MED27: variants seen among roughly 807,000 people sequenced by gnomAD.
MED27 encodes mediator complex subunit 27, also known as mediator of RNA polymerase II transcription subunit 27.
A neutral mutation model predicts 38.2 loss-of-function variants in MED27; 30 were observed. The observed-to-expected ratio is 0.79, with a 90% CI of 0.59 to 1.07. The LOEUF is 1.07. MED27 is among the 50% of genes least tolerant of loss of function. MED27 has a pLI of 0.00. For missense variants in MED27, 289 were observed against 397.5 expected, an observed-to-expected ratio of 0.73 and a Z score of 2.32; for synonymous variants, 122 against 153.5, an observed-to-expected ratio of 0.79 and a Z score of 1.52.
At chr9:132,013,842 A>G (rs1426111033) in intron 3 of MED27, among the ~76,000 whole-genome samples, 1 of 152,236 alleles carries the variant, frequency 6.6e-6, no homozygotes. Context: ...GCTGTTTCAC[A>G]AAGATCTATG....
chr9:132,016,386 T>C (rs1261459207), intron 2 of MED27, among the ~76,000 whole-genome samples: 1 of 152,112 alleles, frequency 6.6e-6, no homozygotes, highest in Non-Finnish European at 1.5e-5. Flanking sequence ...CAAACATACA[T>C]CACATTCATA....
At chr9:131,990,600 C>CTG (rs1564314757) in intron 3 of MED27, among the ~76,000 whole-genome samples, 1 of 152,214 alleles carries the variant, frequency 6.6e-6, no homozygotes, top group Non-Finnish European at 1.5e-5. Context: ...CCTTTTGGAC[C>CTG]TGTGGGTTGC....
intron 2 of MED27, among the ~76,000 whole-genome samples, chr9:132,046,356 C>T: frequency 6.6e-6 from 1 of 151,664 alleles, no homozygotes; most frequent in Non-Finnish European, 1.5e-5. Context: ...TGAAACAGGC[C>T]AACTAATATT....
At chr9:131,871,424 A>G (rs1838831593) in intron 6 of MED27, among the ~76,000 whole-genome samples, 1 of 152,118 alleles carries the variant, frequency 6.6e-6, no homozygotes, top group South Asian at 2.1e-4. Flanking sequence ...TTAATACACT[A>G]TTGTCCTCAG....
At chr9:132,042,641 A>G (rs1211956760) in intron 2 of MED27, among the ~76,000 whole-genome samples, 3 of 152,210 alleles carry the variant, frequency 2.0e-5, no homozygotes, top group African/African-American at 7.2e-5. Flanking sequence ...GGAATCTTAG[A>G]TCTATGAGTG....
At chr9:131,868,748 G>A (rs1266017964) in intron 6 of MED27, 2 of 985,374 alleles carry the variant, frequency 2.0e-6, no homozygotes, top group Non-Finnish European at 2.4e-6. Context: ...GCAGATAAAG[G>A]TGCAGGCCCA....
At chr9:132,027,477 C>G (rs532345664) in intron 2 of MED27, among the ~76,000 whole-genome samples, 1 of 152,370 alleles carries the variant, frequency 6.6e-6, no homozygotes, top group South Asian at 2.1e-4. Context: ...GCAGCCTGAG[C>G]AGGCACACTC....
chr9:132,062,632 T>A (rs201376435), intron 2 of MED27, among the ~76,000 whole-genome samples: 4 of 127,738 alleles, frequency 3.1e-5, no homozygotes, highest in East Asian at 4.5e-4. Context: ...TTTTTTTTTT[T>A]AAACAGACAG....
At position 131,860,627 on chromosome 9, in the gene MED27, G is replaced by A. The variant is rs753391129; in HGVS notation, c.847C>T (p.Arg283Cys). 20 of 1,612,220 alleles carry A rather than the reference G, an allele frequency of 1.2e-5. No individual in the cohort carries two copies. Among genetic ancestry groups the A allele is most frequent in the African/African-American group, 5.3e-5 (4 of 74,832 alleles). Residue 283 changes from arginine (R) to cysteine (C), a missense_variant, in exon 8 of 8, where the codon CGC (arginine) becomes TGC (cysteine). By Grantham distance (180) the Arg-to-Cys change is radical. Transcript: ENST00000292035. The surrounding 1 kb of genome is among the most constrained non-coding windows in gnomAD (Gnocchi z 5.8). ...CCGTCCTGCAGAAACTTCCCGCAGC[G>A]CTGGCACGGGGCCTGGAACAGCTTT... ...YIKLFQAPCQRCGKFLQDGLP... is the reference protein window; with the variant it reads ...YIKLFQAPCQCCGKFLQDGLP...
chr9:132,057,131 T>C (rs1291328353), intron 2 of MED27, among the ~76,000 whole-genome samples: 1 of 152,226 alleles, frequency 6.6e-6, no homozygotes, highest in Non-Finnish European at 1.5e-5. Flanking sequence ...TGCCTCCTTT[T>C]TGTTCACATG....
At chr9:131,893,749 C>T (rs377684463) in intron 5 of MED27, 136 bp downstream of exon 5, 29 of 649,552 alleles carry the variant, frequency 4.5e-5, no homozygotes, top group South Asian at 3.5e-4. Context: ...AGTGTGCATC[C>T]TCACACTGAC....
At chr9:131,970,150 A>C (rs971259699) in intron 3 of MED27, among the ~76,000 whole-genome samples, 5 of 152,252 alleles carry the variant, frequency 3.3e-5, no homozygotes, top group African/African-American at 1.2e-4. Flanking sequence ...GTGCATGCAG[A>C]TGCCCACAAA....
intron 3 of MED27, among the ~76,000 whole-genome samples, chr9:131,980,455 G>A (rs1831708042): frequency 6.6e-6 from 1 of 152,262 alleles, no homozygotes; most frequent in Admixed American, 6.5e-5. Context: ...CAGACTGGCA[G>A]GCACCCCTCA....
At chr9:132,078,511 C>G (rs1339229212) in intron 1 of MED27, among the ~76,000 whole-genome samples, 2 of 152,036 alleles carry the variant, frequency 1.3e-5, no homozygotes, top group Admixed American at 6.6e-5. Context: ...GTGCTCGGCG[C>G]GGTGCCAGAG....
intron 2 of MED27, among the ~76,000 whole-genome samples, chr9:132,020,268 C>G (rs1832690075): frequency 6.6e-6 from 1 of 152,146 alleles, no homozygotes; most frequent in Non-Finnish European, 1.5e-5. Context: ...GACACCAGTG[C>G]CACTTCCCCT....
rs1234534833 is a variant in MED27, at chr9:132,051,350, G to A, written c.348+26092C>T. Among the ~76,000 whole-genome samples, 1 of 152,196 alleles carries A rather than the reference G, an allele frequency of 6.6e-6. No individual in the cohort carries two copies. The highest frequency in any genetic ancestry group is 1.5e-5 in the Non-Finnish European group (1 of 68,030). Reference sequence around the variant, plus strand: ...GAAAGGATTAACCCAAATGCCAAATGTACTTTGTTCTGAAGTCTAACTACG... The same window carrying A: ...GAAAGGATTAACCCAAATGCCAAATATACTTTGTTCTGAAGTCTAACTACG... On this transcript the variant is annotated intron_variant, in intron 2 of 7. Coordinates refer to ENST00000292035, the MANE Select transcript of MED27 (RefSeq NM_004269.4). This position sits in a 1 kb window ranked among gnomAD's most constrained non-coding sequence, Gnocchi z 4.2.
At chr9:131,948,510 A>C (rs1830928059) in intron 3 of MED27, among the ~76,000 whole-genome samples, 1 of 152,018 alleles carries the variant, frequency 6.6e-6, no homozygotes, top group Non-Finnish European at 1.5e-5. Flanking sequence ...AACAAAAAAA[A>C]AAAACAAAAA....
At chr9:131,918,762 T>C (rs1161573539) in intron 4 of MED27, among the ~76,000 whole-genome samples, 1 of 152,158 alleles carries the variant, frequency 6.6e-6, no homozygotes, top group Non-Finnish European at 1.5e-5. Flanking sequence ...CCACCAGAAA[T>C]TCACCCGGAA....
At chr9:131,954,534 T>G (rs1831057304) in intron 3 of MED27, among the ~76,000 whole-genome samples, 1 of 152,190 alleles carries the variant, frequency 6.6e-6, no homozygotes, top group Admixed American at 6.5e-5. Context: ...AACCATTAAC[T>G]AGCCTCAGCT....
Sources: allele counts gnomAD v4.1 joint callset (sites outside exome capture counted in the v4.1 genomes callset), GRCh38; gene constraint gnomAD v4.1.1; non-coding constraint Gnocchi (gnomAD v3.1); transcripts MANE v1.5; gene names NCBI Gene and HGNC (gene_info 2026-07-23, HGNC 2026-07-21).